The following SLC41A2 variants were observed in gnomAD, a reference collection of about 807,000 sequenced individuals.
SLC41A2 encodes solute carrier family 41 member 2, also known as SLC41A1-like 1.
A neutral mutation model predicts 58.3 loss-of-function variants in SLC41A2; 32 were observed. The ratio of observed to expected loss-of-function variants is 0.55; its 90% CI spans 0.41 to 0.74. The LOEUF (loss-of-function observed/expected upper bound fraction) is 0.74. Ranked by LOEUF, SLC41A2 falls within the 30% of genes least tolerant of loss-of-function variation. The pLI is 0.00. For missense variants in SLC41A2, 514 were observed against 680.6 expected, an observed-to-expected ratio of 0.76 and a Z score of 2.72; for synonymous variants, 190 against 235.0, an observed-to-expected ratio of 0.81 and a Z score of 1.75.
At chr12:104,925,581 T>C (rs1228860359) in intron 2 of SLC41A2, among the ~76,000 whole-genome samples, 2 of 151,554 alleles carry the variant, frequency 1.3e-5, no homozygotes, top group Non-Finnish European at 2.9e-5. Context: ...AAAAAATTTA[T>C]ATTACGTTTC....
At chr12:104,855,508 TATCAC>T (rs1045583876) in intron 8 of SLC41A2, among the ~76,000 whole-genome samples, 7 of 152,366 alleles carry the variant, frequency 4.6e-5, no homozygotes, top group African/African-American at 1.7e-4. Context: ...TGGAATAATT[TATCAC>T]ATAAGTTTCT....
rs536719884 is a variant in SLC41A2 at position 104,817,815 on chromosome 12, CT to C, written c.1537-12479del. ...AGCGTACACACTAGGTACAGCATAA[CT>C]AGTAACACACTAGGACGGTACAGCC... On this transcript the variant is annotated intron_variant, in intron 10 of 10. Transcript: ENST00000258538. 9.2e-5 allele frequency among the ~76,000 whole-genome samples: 14 copies of C among 151,572 alleles called. No individual in the cohort carries two copies. The South Asian group carries it at 2.9e-3, about 32-fold the overall frequency.
At chr12:104,822,005 T>C (rs1230620756) in intron 10 of SLC41A2, among the ~76,000 whole-genome samples, 1 of 152,218 alleles carries the variant, frequency 6.6e-6, no homozygotes, top group Non-Finnish European at 1.5e-5. Flanking sequence ...TATCTGACCA[T>C]GTCATTCTGA....
chr12:104,869,168 C>T (rs1343631775), intron 6 of SLC41A2, among the ~76,000 whole-genome samples: 7 of 152,032 alleles, frequency 4.6e-5, no homozygotes, highest in Non-Finnish European at 1.0e-4. Context: ...TCAGGCCCAG[C>T]GTTTCTGTTT....
chr12:104,919,839 T>C (rs1237402808), intron 2 of SLC41A2, among the ~76,000 whole-genome samples: 1 of 152,240 alleles, frequency 6.6e-6, no homozygotes. Flanking sequence ...TCCAATTTAT[T>C]AATTTTTCTT....
chr12:104,886,659 T>C (rs1165716203), intron 5 of SLC41A2, among the ~76,000 whole-genome samples: 1 of 152,076 alleles, frequency 6.6e-6, no homozygotes, highest in Non-Finnish European at 1.5e-5. Context: ...AGTTCAGCAT[T>C]GTATTTAGAG....
At chr12:104,856,808 G>A (rs955741055) in intron 8 of SLC41A2, among the ~76,000 whole-genome samples, 3 of 151,988 alleles carry the variant, frequency 2.0e-5, no homozygotes, top group African/African-American at 7.3e-5. Flanking sequence ...AGAGCACGCT[G>A]GGAGAGACAT....
At chr12:104,817,356 T>A (rs927494605) in intron 10 of SLC41A2, among the ~76,000 whole-genome samples, 1 of 152,214 alleles carries the variant, frequency 6.6e-6, no homozygotes, top group Non-Finnish European at 1.5e-5. Context: ...TACACTAATG[T>A]AGACATTAAA....
At chr12:104,862,845 T>G (rs1195594927) in intron 7 of SLC41A2, among the ~76,000 whole-genome samples, 2 of 152,196 alleles carry the variant, frequency 1.3e-5, no homozygotes, top group Non-Finnish European at 2.9e-5. Flanking sequence ...ATGACTAAAT[T>G]GAGCTAATTA....
At chr12:104,810,658 A>G (rs925704234) in intron 10 of SLC41A2, among the ~76,000 whole-genome samples, 1 of 152,180 alleles carries the variant, frequency 6.6e-6, no homozygotes, top group Non-Finnish European at 1.5e-5. Context: ...TTAGCCGATT[A>G]TTCCTTGCCA....
At chr12:104,812,891 A>T (rs1431377010) in intron 10 of SLC41A2, among the ~76,000 whole-genome samples, 1 of 152,148 alleles carries the variant, frequency 6.6e-6, no homozygotes, top group Non-Finnish European at 1.5e-5. Context: ...GAAATTTAAA[A>T]ATTCAGGCCA....
chr12:104,834,424 C>G (rs1272133265), intron 10 of SLC41A2, among the ~76,000 whole-genome samples: 2 of 152,120 alleles, frequency 1.3e-5, no homozygotes, highest in African/African-American at 2.4e-5. Context: ...GCCCTCCCTT[C>G]ATATCTCCTT....
In SLC41A2 at chr12:104,939,180, G is replaced by A. The variant is rs74522734; in HGVS notation, c.-167-10486C>T. Among the ~76,000 whole-genome samples, 26 of 152,290 alleles carry A rather than the reference G, an allele frequency of 1.7e-4. No homozygotes were observed. In the East Asian group the frequency reaches 4.6e-3, roughly 27 times the overall value. On this transcript the variant is annotated intron_variant, in intron 1 of 10. Transcript: ENST00000258538. ...ATTGACTTAAAGGAAAATAAGACCA[G>A]ACACTCCTTATGAATTCAACTTTAC...
chr12:104,810,830 T>C (rs1313001533), intron 10 of SLC41A2, among the ~76,000 whole-genome samples: 4 of 152,168 alleles, frequency 2.6e-5, no homozygotes, highest in Non-Finnish European at 5.9e-5. Context: ...CTGCCCACGA[T>C]CACACAGCTT....
At chr12:104,860,124 T>A (rs1273479258) in intron 8 of SLC41A2, among the ~76,000 whole-genome samples, 2 of 152,070 alleles carry the variant, frequency 1.3e-5, no homozygotes, top group African/African-American at 4.8e-5. Context: ...TTTCCCCAAG[T>A]AGAATTACTT....
chr12:104,938,763 T>C (rs994487502), intron 1 of SLC41A2, among the ~76,000 whole-genome samples: 1 of 152,202 alleles, frequency 6.6e-6, no homozygotes, highest in Non-Finnish European at 1.5e-5. Flanking sequence ...TATCACAGCA[T>C]GACCTAACAA....
chr12:104,847,447 A>G (rs976799380), intron 8 of SLC41A2, among the ~76,000 whole-genome samples: 1 of 151,872 alleles, frequency 6.6e-6, no homozygotes, highest in Non-Finnish European at 1.5e-5. Flanking sequence ...ACTAAAAAAA[A>G]TACAAAAACT....
At chr12:104,850,092 G>C (rs999884286) in intron 8 of SLC41A2, among the ~76,000 whole-genome samples, 2 of 152,116 alleles carry the variant, frequency 1.3e-5, no homozygotes, top group Non-Finnish European at 2.9e-5. Context: ...TCTGAACCAG[G>C]TGCTAAAAGT....
chr12:104,885,343 A>G (rs2135638477), intron 6 of SLC41A2, among the ~76,000 whole-genome samples: 1 of 152,324 alleles, frequency 6.6e-6, no homozygotes, highest in East Asian at 1.9e-4. Context: ...TGATGTCTCC[A>G]AAAGTCACAG....
Sources: gnomAD v4.1 joint callset for allele counts (sites outside exome capture counted in the v4.1 genomes callset) on GRCh38, gnomAD v4.1.1 for gene constraint, MANE v1.5 for transcripts, NCBI Gene and HGNC (gene_info 2026-07-23, HGNC 2026-07-21) for gene names.